MIB1: variants seen among roughly 807,000 people sequenced by gnomAD.
The protein encoded by MIB1 is MIB E3 ubiquitin protein ligase 1, also known as E3 ubiquitin-protein ligase MIB1.
In MIB1, 278 loss-of-function variants were observed where a neutral mutation model predicts 124.5. That is an observed-to-expected ratio of 2.23 (90% CI 2.02 to 2.47). MIB1 has a LOEUF of 2.47. Ranked by LOEUF, MIB1 falls within the 30% of genes most tolerant of loss-of-function variation. The pLI is 0.00. For synonymous variants in MIB1, 446 were observed against 429.4 expected (o/e 1.04, Z -0.48); for missense variants, 957 against 1,254.4 (o/e 0.76, Z 3.58).
chr18:21,757,711 C>T (rs999980136), intron 1 of MIB1, among the ~76,000 whole-genome samples: 1 of 151,578 alleles, frequency 6.6e-6, no homozygotes, highest in Non-Finnish European at 1.5e-5. Context: ...GTCTCAAACT[C>T]CTGACCTCAA....
Position 21,819,509 on chromosome 18 carries a change from T to TACCC in MIB1, c.1693_1696dup (p.Pro566HisfsTer5). The TACCC allele has an allele frequency of 6.2e-7, 1 of 1,601,672 alleles. No individual in the cohort carries two copies. The highest frequency in any genetic ancestry group is 8.5e-7 in the Non-Finnish European group (1 of 1,172,094). ...TAAACTTAAAGGATTCTGAAGGTGA[T>TACCC]ACCCCTCTTCATGATGCAATAAGTA... is the stretch of plus-strand genomic sequence containing the variant. On this transcript the variant is annotated frameshift_variant, in exon 12 of 21. Coordinates refer to ENST00000261537, the MANE Select transcript of MIB1 (RefSeq NM_020774.4). LOFTEE classifies it high-confidence loss of function.
chr18:21,743,159 G>C (rs1156973519), intron 1 of MIB1, among the ~76,000 whole-genome samples: 1 of 152,164 alleles, frequency 6.6e-6, no homozygotes, highest in Admixed American at 6.5e-5. Flanking sequence ...AGCACAAAAA[G>C]GGGCAGCCAT....
intron 1 of MIB1, among the ~76,000 whole-genome samples, chr18:21,764,823 A>G (rs1041498749): frequency 2.0e-5 from 3 of 152,224 alleles, no homozygotes; most frequent in Non-Finnish European, 4.4e-5. Flanking sequence ...ACATAAAAGT[A>G]AATACAGACG....
At chr18:21,803,874 T>C (rs2041676328) in intron 9 of MIB1, 33 bp from the exon 10 acceptor site, 9 of 1,496,564 alleles carry the variant, frequency 6.0e-6, no homozygotes, top group Non-Finnish European at 8.4e-6. Context: ...GATTATTCAT[T>C]CATTCTTTCA....
chr18:21,844,225 A>T lies in MIB1; in HGVS notation c.2183A>T (p.Asp728Val). Residue 728 changes from aspartate to valine, a missense_variant, in exon 15 of 21, where the codon GAT becomes GTT. Physicochemically the swap from Asp to Val is radical, Grantham distance 152. Transcript: ENST00000261537. ...GATATGCAAGATGTGGGGAAGGTGG[A>T]TGCTGCCTGGGAGCCATCCAAAAAC... The part of the protein sequence containing the change: ...LQDMQDVGKV[D>V]AAWEPSKNTL... 6.2e-7 allele frequency: 1 copy of T among 1,614,186 alleles called. No individual in the cohort carries two copies. The highest frequency in any genetic ancestry group is 8.5e-7 in the Non-Finnish European group (1 of 1,180,018).
chr18:21,768,867 T>C, intron 3 of MIB1, 115 bp downstream of exon 3: 1 of 899,190 alleles, frequency 1.1e-6, no homozygotes, highest in African/African-American at 1.8e-5. Flanking sequence ...AGTAACAGTT[T>C]TTAAAATCTT....
At chr18:21,746,725 C>T (rs972669313) in intron 1 of MIB1, among the ~76,000 whole-genome samples, 1 of 152,062 alleles carries the variant, frequency 6.6e-6, no homozygotes, top group Non-Finnish European at 1.5e-5. Flanking sequence ...TTCTTCGTGT[C>T]GATAATACAG....
intron 1 of MIB1, among the ~76,000 whole-genome samples, chr18:21,752,256 G>A (rs2040983190): frequency 6.6e-6 from 1 of 152,004 alleles, no homozygotes; most frequent in African/African-American, 2.4e-5. Flanking sequence ...AGCAGAAGAT[G>A]TGACATTGTC....
At chr18:21,787,758 T>C (rs1193470116) in intron 6 of MIB1, among the ~76,000 whole-genome samples, 1 of 141,408 alleles carries the variant, frequency 7.1e-6, no homozygotes, top group Non-Finnish European at 1.6e-5. Flanking sequence ...GTGCTGGGTA[T>C]TTTTTTTTTT....
At chr18:21,841,499 A>G (rs533220365) in intron 13 of MIB1, among the ~76,000 whole-genome samples, 7 of 152,362 alleles carry the variant, frequency 4.6e-5, no homozygotes, top group African/African-American at 1.7e-4. Flanking sequence ...TGATTAACAA[A>G]ATAGAAATTA....
intron 20 of MIB1, among the ~76,000 whole-genome samples, chr18:21,862,966 G>GTT (rs1655926354): frequency 6.6e-6 from 1 of 152,120 alleles, no homozygotes; most frequent in South Asian, 2.1e-4. Flanking sequence ...TTACGTTTTG[G>GTT]TTTATATAGG....
intron 12 of MIB1, 50 bp from the exon 13 acceptor site, chr18:21,838,315 G>T: frequency 7.4e-7 from 1 of 1,350,294 alleles, no homozygotes; most frequent in Non-Finnish European, 1.0e-6. Context: ...CTTTTCTTTT[G>T]AGTATATCAA....
intron 20 of MIB1, among the ~76,000 whole-genome samples, chr18:21,863,256 T>C (rs542312300): frequency 6.6e-6 from 1 of 152,334 alleles, no homozygotes; most frequent in South Asian, 2.1e-4. Flanking sequence ...CGGTGTGTTA[T>C]CAGCTCAGTT....
Position 21,795,459 on chromosome 18 carries a change from A to G in MIB1, c.1093-2625A>G, listed in dbSNP as rs72886659. Reference sequence around the variant, plus strand: ...CAATACAAACTATATTAAAGCAGACAATGTAATGATAAACTATGAAGTTAC... The same window carrying G: ...CAATACAAACTATATTAAAGCAGACGATGTAATGATAAACTATGAAGTTAC... On this transcript the variant is annotated intron_variant, in intron 7 of 20. Coordinates refer to ENST00000261537, the MANE Select transcript of MIB1 (RefSeq NM_020774.4). Among the ~76,000 whole-genome samples the G allele has an allele frequency of 4.0e-4, 60 of 149,202 alleles. 1 individual carries two copies. Among genetic ancestry groups the G allele is most frequent in the Non-Finnish European group, 7.4e-4 (50 of 67,398 alleles).
intron 13 of MIB1, among the ~76,000 whole-genome samples, chr18:21,842,091 CAAAA>C (rs376834305): frequency 5.6e-5 from 2 of 35,680 alleles, no homozygotes; most frequent in African/African-American, 1.7e-4. Context: ...GACCCTATCT[CAAAA>C]AAAAAAAAAA....
chr18:21,735,500 G>A (rs548910017), intron 1 of MIB1, among the ~76,000 whole-genome samples: 12 of 151,816 alleles, frequency 7.9e-5, no homozygotes, highest in African/African-American at 2.9e-4. Flanking sequence ...TACCCCGGTG[G>A]CATCTGGAAC....
chr18:21,785,624 A>C lies in MIB1; in HGVS notation c.909-5750A>C, dbSNP rs73428083. On this transcript the variant is annotated intron_variant, in intron 6 of 20. Coordinates refer to ENST00000261537, the MANE Select transcript of MIB1 (RefSeq NM_020774.4). ...TTTGATAAGTTTGTCTTTTAGTCTTATGCTAGAGTTATGAGGTGATTACAC... is the reference window on the plus strand; with the variant it reads ...TTTGATAAGTTTGTCTTTTAGTCTTCTGCTAGAGTTATGAGGTGATTACAC... Among the ~76,000 whole-genome samples the C allele has an allele frequency of 1.2e-3, 184 of 152,294 alleles. 2 individuals are homozygous for C. The highest frequency in any genetic ancestry group is 4.3e-3 in the African/African-American group (178 of 41,554).
At chr18:21,747,478 G>A (rs2040924276) in intron 1 of MIB1, among the ~76,000 whole-genome samples, 1 of 152,214 alleles carries the variant, frequency 6.6e-6, no homozygotes, top group Non-Finnish European at 1.5e-5. Context: ...ACTTTGAATA[G>A]CAGAGTACTA....
chr18:21,849,450 A>G, intron 17 of MIB1, 62 bp downstream of exon 17: 1 of 958,030 alleles, frequency 1.0e-6, no homozygotes, highest in Non-Finnish European at 1.5e-6. Context: ...ATTAATGATA[A>G]ATAAGATTTA....
Sources: allele counts gnomAD v4.1 joint callset (sites outside exome capture counted in the v4.1 genomes callset), GRCh38; gene constraint gnomAD v4.1.1; transcripts MANE v1.5; gene names NCBI Gene and HGNC (gene_info 2026-07-23, HGNC 2026-07-21).